SUZ12: variants seen among roughly 807,000 people sequenced by gnomAD.
SUZ12 encodes the protein polycomb protein SUZ12.
A neutral mutation model predicts 87.3 loss-of-function variants in SUZ12; 17 were observed. That is an observed-to-expected ratio of 0.19 (90% CI 0.13 to 0.29). The LOEUF is 0.29. Ranked by LOEUF, SUZ12 falls within the 10% of genes least tolerant of loss-of-function variation. SUZ12 has a pLI of 1.00. For missense variants in SUZ12, 526 were observed against 912.2 expected, an observed-to-expected ratio of 0.58 and a Z score of 5.45; for synonymous variants, 253 against 312.4, an observed-to-expected ratio of 0.81 and a Z score of 2.01.
At position 31,980,011 on chromosome 17, in the gene SUZ12, TAGAGAGAGAG is replaced by T. The variant is rs55882925; in HGVS notation, c.918-2970_918-2961del. 1.0e-3 allele frequency among the ~76,000 whole-genome samples: 151 copies of T among 146,046 alleles called. 2 individuals carry two copies. The Middle Eastern group carries it at 0.011, about 10-fold the overall frequency. On this transcript the variant is annotated intron_variant, in intron 8 of 15. Transcript: ENST00000322652. ...ACCCTAAAAAATATATATATATGTA[TAGAGAGAGAG>T]AGAGAGAGAGAGAGAGAAACAGGCA...
At chr17:31,939,205 TTTAAA>T (rs1340904841) in intron 1 of SUZ12, among the ~76,000 whole-genome samples, 2 of 152,272 alleles carry the variant, frequency 1.3e-5, no homozygotes, top group East Asian at 1.9e-4. Flanking sequence ...TAGATACAAC[TTTAAA>T]TTATAATTAG....
chr17:31,951,860 T>C (rs1443618802), intron 4 of SUZ12, among the ~76,000 whole-genome samples: 1 of 150,922 alleles, frequency 6.6e-6, no homozygotes, highest in African/African-American at 2.4e-5. Context: ...CTGCAACCTC[T>C]GTCCCCCAGG....
At chr17:31,996,928 T>C (rs762993889) in intron 15 of SUZ12, 51 bp downstream of exon 15, 16 of 1,132,534 alleles carry the variant, frequency 1.4e-5, no homozygotes, top group Admixed American at 3.5e-5. Context: ...TTATGGTCTT[T>C]TGCTGTTTCA....
At chr17:31,977,734 C>A (rs1598175282) in intron 8 of SUZ12, among the ~76,000 whole-genome samples, 1 of 152,020 alleles carries the variant, frequency 6.6e-6, no homozygotes, top group Admixed American at 6.5e-5. Flanking sequence ...ACTAAAAATA[C>A]AAAAATTAGC....
intron 4 of SUZ12, among the ~76,000 whole-genome samples, chr17:31,965,482 A>G (rs1242096529): frequency 6.6e-6 from 1 of 152,200 alleles, no homozygotes. Flanking sequence ...GTTCTAGTTC[A>G]TGCTTGCTTT....
At position 31,985,903 on chromosome 17, in the gene SUZ12, C is replaced by T. The variant is rs796861383; in HGVS notation, c.1024-2417C>T. 3.9e-5 allele frequency among the ~76,000 whole-genome samples: 6 copies of T among 151,954 alleles called. 1 individual carries two copies. Among genetic ancestry groups the T allele is most frequent in the African/African-American group, 1.4e-4 (6 of 41,462 alleles). On this transcript the variant is annotated intron_variant, in intron 9 of 15. Transcript: ENST00000322652. ...GTCTCGAACTCCTGACCTTGTGATC[C>T]ACCCGCCTCGGCCTCCCAAAGTACT...
intron 8 of SUZ12, among the ~76,000 whole-genome samples, chr17:31,977,187 G>A (rs1209514127): frequency 6.6e-6 from 1 of 151,914 alleles, no homozygotes; most frequent in Non-Finnish European, 1.5e-5. Context: ...AAGGTGGGAG[G>A]ATTGTTTGAG....
intron 5 of SUZ12, among the ~76,000 whole-genome samples, chr17:31,970,797 C>G (rs111623814): frequency 6.7e-6 from 1 of 148,368 alleles, no homozygotes; most frequent in East Asian, 1.9e-4. Context: ...GCAAGACTCT[C>G]TCTCTCAAAA....
At chr17:31,942,814 T>G (rs1458112645) in intron 3 of SUZ12, among the ~76,000 whole-genome samples, 8 of 152,232 alleles carry the variant, frequency 5.3e-5, no homozygotes, top group Non-Finnish European at 4.4e-5. Context: ...TGCAAGTTTT[T>G]TGTCCTAGGT....
At chr17:31,985,488 G>A (rs144156990) in intron 9 of SUZ12, among the ~76,000 whole-genome samples, 251 of 151,536 alleles carry the variant, frequency 1.7e-3, no homozygotes, top group African/African-American at 5.8e-3. Flanking sequence ...TTAACTCCAG[G>A]TGATGAGATT....
chr17:31,990,474 C>T (rs920960765), intron 10 of SUZ12, among the ~76,000 whole-genome samples: 1 of 151,944 alleles, frequency 6.6e-6, no homozygotes, highest in African/African-American at 2.4e-5. Context: ...AGCAATTCTC[C>T]TGCCTCAGCC....
intron 6 of SUZ12, among the ~76,000 whole-genome samples, chr17:31,974,349 A>G (rs1908614316): frequency 6.6e-6 from 1 of 152,226 alleles, no homozygotes. Context: ...AACACGGTGA[A>G]ATCTCGTCTC....
At position 31,972,285 on chromosome 17, in the gene SUZ12, G is replaced by A. The variant is rs141478023; in HGVS notation, c.506-861G>A. Among the ~76,000 whole-genome samples the A allele has an allele frequency of 2.7e-3, 409 of 151,214 alleles. 1 individual carries two copies. Among genetic ancestry groups the A allele is most frequent in the African/African-American group, 8.8e-3 (361 of 41,190 alleles). ...GGTTGACAGAACGAGTCTCTGTCTC[G>A]AAAAGGAATTAGGAAATATATATAT... On this transcript the variant is annotated intron_variant, in intron 5 of 15. Coordinates refer to ENST00000322652, the MANE Select transcript of SUZ12 (RefSeq NM_015355.4).
Position 31,937,061 on chromosome 17 carries a change from A to G in SUZ12, c.-186A>G. ...TCCGAAGCGGAGCGGGGCTCTGAGG[A>G]GACACTTTTTTTTTCCTCCCTCCTT... On this transcript the variant is annotated 5_prime_UTR_variant, in exon 1 of 16. Coordinates refer to ENST00000322652, the MANE Select transcript of SUZ12 (RefSeq NM_015355.4). The G allele has an allele frequency of 2.0e-6, 1 of 490,548 alleles. No homozygotes were observed. Among genetic ancestry groups the G allele is most frequent in the East Asian group, 3.6e-5 (1 of 27,904 alleles). The allele number at this position is 490,548 out of a possible 1,614,324, so 30.4% of individuals were successfully genotyped here.
chr17:31,965,002 G>T (rs1267779134), intron 4 of SUZ12, among the ~76,000 whole-genome samples: 2 of 149,990 alleles, frequency 1.3e-5, no homozygotes, highest in African/African-American at 4.9e-5. Context: ...AAAAAGAGGA[G>T]TCCTGGTCAA....
chr17:31,937,114 CCTCTCCTCCCCT>C lies in SUZ12; in HGVS notation c.-123_-112del. The C allele has an allele frequency of 1.4e-6, 1 of 739,898 alleles. No homozygotes were observed. Among genetic ancestry groups the C allele is most frequent in the South Asian group, 3.1e-5 (1 of 31,840 alleles). 45.8% of individuals were successfully genotyped at this position (739,898 alleles called of 1,614,324 possible). A position where few individuals can be genotyped will look rare whatever the true frequency, so the allele number is the denominator to read the frequency against. ...CTCCTCTCCTCCTCCCTTCCCTTCC[CCTCTCCTCCCCT>C]CTCTCCTCCTTCCCCCCTCGGTCCG... On this transcript the variant is annotated 5_prime_UTR_variant, in exon 1 of 16. Coordinates refer to ENST00000322652, the MANE Select transcript of SUZ12 (RefSeq NM_015355.4).
rs764900871 is a variant in SUZ12 at position 31,961,212 on chromosome 17, CAAAA to C, written c.456-4924_456-4921del. Among the ~76,000 whole-genome samples the C allele has an allele frequency of 4.4e-5, 6 of 136,072 alleles. No individual in the cohort carries two copies. In the South Asian group the frequency reaches 1.4e-3, roughly 32 times the overall value. The allele number at this position is 136,072 out of a possible 152,430, so 89.3% of individuals were successfully genotyped here. On this transcript the variant is annotated intron_variant, in intron 4 of 15. Transcript: ENST00000322652. ...TGGGTGACAGAGCGAGACTCCGTCTCAAAAAAAAAAAAAATTCTTTCTCACAAAG... is the reference window on the plus strand; with the variant it reads ...TGGGTGACAGAGCGAGACTCCGTCTCAAAAAAAAAATTCTTTCTCACAAAG...
chr17:31,961,664 C>T (rs1048656759), intron 4 of SUZ12, among the ~76,000 whole-genome samples: 2 of 152,108 alleles, frequency 1.3e-5, no homozygotes, highest in Non-Finnish European at 2.9e-5. Flanking sequence ...TGTTAATTTT[C>T]AGTGTGTTGT....
At chr17:31,979,102 CCAAAAAAAAAA>C (rs1407644457) in intron 8 of SUZ12, among the ~76,000 whole-genome samples, 2 of 56,126 alleles carry the variant, frequency 3.6e-5, no homozygotes, top group Non-Finnish European at 6.2e-5. Flanking sequence ...GACTGTGTCT[CCAAAAAAAAAA>C]AAAAAAAAAA....
Sources: gnomAD v4.1 joint callset for allele counts (sites outside exome capture counted in the v4.1 genomes callset) on GRCh38, gnomAD v4.1.1 for gene constraint, MANE v1.5 for transcripts, NCBI Gene and HGNC (gene_info 2026-07-23, HGNC 2026-07-21) for gene names.